Variants in VWA8 observed in about 807,000 individuals in gnomAD.
VWA8 encodes the protein von Willebrand factor A domain containing 8, also known as von Willebrand factor A domain-containing protein 8.
Under a neutral mutation model 241.5 loss-of-function variants are expected in VWA8, and 221 were observed. The observed-to-expected ratio is 0.91, with a 90% CI of 0.82 to 1.02. VWA8 has a LOEUF of 1.02. Ranked by LOEUF, VWA8 falls within the 50% of genes least tolerant of loss-of-function variation. VWA8 has a pLI of 0.00. For missense variants in VWA8, 2,322 were observed against 2,328.7 expected (o/e 1.00, Z 0.06); for synonymous variants, 852 against 827.1 (o/e 1.03, Z -0.52).
intron 2 of VWA8, among the ~76,000 whole-genome samples, chr13:41,930,375 C>A (rs1473593259): frequency 6.6e-6 from 1 of 152,088 alleles, no homozygotes; most frequent in Middle Eastern, 3.4e-3. Context: ...GGATATATAC[C>A]CAAAGGAAAT....
At chr13:41,748,635 C>T (rs997968057) in intron 21 of VWA8, among the ~76,000 whole-genome samples, 1 of 152,030 alleles carries the variant, frequency 6.6e-6, no homozygotes, top group Non-Finnish European at 1.5e-5. Flanking sequence ...TTCTTGCCTT[C>T]TGATGGTACT....
At chr13:41,675,375 A>G (rs536569644) in intron 35 of VWA8, 79 bp from the exon 36 acceptor site, 653 of 1,039,352 alleles carry the variant, frequency 6.3e-4, no homozygotes, top group Middle Eastern at 1.6e-3. Flanking sequence ...GAATCAAGTT[A>G]TCTGTAGCCT....
rs1435058352 is a variant in VWA8 at position 41,831,654 on chromosome 13, TC to T, written c.1587-1013del. On this transcript the variant is annotated intron_variant, in intron 13 of 44. Transcript: ENST00000379310. Reference sequence around the variant, plus strand: ...TTTTTTTTGAGACAGAGTCTCCCTCTCGTCACCCAGGCTGCAGTGCAGTGGC... The same window carrying T: ...TTTTTTTTGAGACAGAGTCTCCCTCTGTCACCCAGGCTGCAGTGCAGTGGC... Among the ~76,000 whole-genome samples the T allele has an allele frequency of 3.0e-5, 4 of 133,974 alleles. No homozygotes were observed. In the Admixed American group the frequency reaches 3.2e-4, roughly 11 times the overall value. 87.9% of individuals were successfully genotyped at this position (133,974 alleles called of 152,430 possible).
chr13:41,741,552 A>C (rs1037565270), intron 21 of VWA8, among the ~76,000 whole-genome samples: 7 of 152,224 alleles, frequency 4.6e-5, no homozygotes, highest in African/African-American at 1.7e-4. Flanking sequence ...TCACATGAGT[A>C]TCTCCTTGAC....
intron 37 of VWA8, among the ~76,000 whole-genome samples, chr13:41,669,308 TA>T: frequency 6.6e-6 from 1 of 152,360 alleles, no homozygotes; most frequent in African/African-American, 2.4e-5. Context: ...CCTCATTCAA[TA>T]AATATTTATT....
chr13:41,881,992 C>G (rs1041556007), intron 9 of VWA8, among the ~76,000 whole-genome samples: 1 of 151,452 alleles, frequency 6.6e-6, no homozygotes, highest in Non-Finnish European at 1.5e-5. Flanking sequence ...GACGGAGGGG[C>G]TCCTCACTTC....
chr13:41,572,790 T>TAA (rs2044316618), intron 43 of VWA8, among the ~76,000 whole-genome samples: 1 of 42,622 alleles, frequency 2.3e-5, no homozygotes, highest in African/African-American at 1.0e-4. Flanking sequence ...GAATGATCAA[T>TAA]AAATACTAAA....
At chr13:41,868,580 T>C (rs1425477777) in intron 9 of VWA8, 103 bp from the exon 10 acceptor site, 28 of 1,349,526 alleles carry the variant, frequency 2.1e-5, no homozygotes, top group Non-Finnish European at 1.5e-5. Context: ...CCATTTTATA[T>C]TATTATATAA....
At chr13:41,598,047 T>C (rs1372421442) in intron 40 of VWA8, among the ~76,000 whole-genome samples, 3 of 152,174 alleles carry the variant, frequency 2.0e-5, no homozygotes, top group African/African-American at 7.2e-5. Flanking sequence ...CAAAGAGGTT[T>C]TTCCTGTACA....
chr13:41,690,276 C>T lies in VWA8; in HGVS notation c.3867-1G>A. ...TGCAGGCTTAGTTAAAAGATATTTC[C>T]TGCAAACAAACAAAACATCTAGCTT... On this transcript the variant is annotated splice_acceptor_variant, in intron 32 of 44. Coordinates refer to ENST00000379310, the MANE Select transcript of VWA8 (RefSeq NM_015058.2). LOFTEE classifies it high-confidence loss of function. 1 of 1,604,402 alleles carries T rather than the reference C, an allele frequency of 6.2e-7. No homozygotes were observed. The highest frequency in any genetic ancestry group is 8.5e-7 in the Non-Finnish European group (1 of 1,175,270).
chr13:41,847,014 A>T (rs1257810984), intron 12 of VWA8, among the ~76,000 whole-genome samples: 1 of 152,230 alleles, frequency 6.6e-6, no homozygotes, highest in Non-Finnish European at 1.5e-5. Flanking sequence ...TGACACAGCA[A>T]GATTATGTCT....
At position 41,960,985 on chromosome 13, in the gene VWA8, G is replaced by A. The variant is rs1441946555; in HGVS notation, c.31C>T (p.Pro11Ser). 5.0e-6 allele frequency: 7 copies of A among 1,409,792 alleles called. No individual in the cohort carries two copies. The highest frequency in any genetic ancestry group is 6.4e-6 in the Non-Finnish European group (7 of 1,091,306). 87.3% of individuals were successfully genotyped at this position (1,409,792 alleles called of 1,614,324 possible). Reference sequence around the variant, plus strand: ...GAGGCCGGGCCGCCGTGGCCTCCGGGTGCCCCGAGGAGTAGAAGCCGGGAT... The same window carrying A: ...GAGGCCGGGCCGCCGTGGCCTCCGGATGCCCCGAGGAGTAGAAGCCGGGAT... MQSRLLLLGA[P>S]GGHGGPASRR... Residue 11 changes from proline (P) to serine (S), a missense_variant, in exon 1 of 45, where the codon CCC becomes TCC. Coordinates refer to ENST00000379310, the MANE Select transcript of VWA8 (RefSeq NM_015058.2).
At chr13:41,862,865 G>A (rs779788523) in intron 12 of VWA8, among the ~76,000 whole-genome samples, 12 of 152,188 alleles carry the variant, frequency 7.9e-5, no homozygotes, top group Non-Finnish European at 1.5e-4. Context: ...AAAGCAGTTT[G>A]GAGACTCCTC....
At chr13:41,676,592 A>G (rs2045061796) in intron 35 of VWA8, among the ~76,000 whole-genome samples, 1 of 151,930 alleles carries the variant, frequency 6.6e-6, no homozygotes, top group South Asian at 2.1e-4. Flanking sequence ...TGCCTATTTT[A>G]TTGTGCAAGG....
At chr13:41,909,538 A>T (rs889122462) in intron 3 of VWA8, among the ~76,000 whole-genome samples, 1 of 152,196 alleles carries the variant, frequency 6.6e-6, no homozygotes, top group Non-Finnish European at 1.5e-5. Flanking sequence ...CATCACTAGT[A>T]TCTTCATGTC....
chr13:41,746,198 C>T (rs1022502483), intron 21 of VWA8, among the ~76,000 whole-genome samples: 4 of 152,072 alleles, frequency 2.6e-5, no homozygotes, highest in Admixed American at 6.6e-5. Context: ...GGATTTTTAA[C>T]GTTTTTCTCA....
chr13:41,949,966 T>A lies in VWA8; in HGVS notation c.211A>T (p.Lys71Ter), dbSNP rs1205255151. 99 of 1,595,158 alleles carry A rather than the reference T, an allele frequency of 6.2e-5. No homozygotes were observed. The highest frequency in any genetic ancestry group is 8.5e-5 in the Non-Finnish European group (99 of 1,168,496). ...GDVSYKLKIPKNPELVPQNYI... is the reference protein window; with the variant it reads ...GDVSYKLKIP ...TTCTGTGGCACAAGTTCTGGATTCTTAGGAATTTTCAACTTGTAGGATACA... is the reference window on the plus strand; with the variant it reads ...TTCTGTGGCACAAGTTCTGGATTCTAAGGAATTTTCAACTTGTAGGATACA... The change falls in exon 2 of 45, where the codon AAG (lysine) becomes TAG (stop). Residue 71 changes from lysine to a stop codon, truncating the protein, a stop_gained. Coordinates refer to ENST00000379310, the MANE Select transcript of VWA8 (RefSeq NM_015058.2). LOFTEE classifies it high-confidence loss of function.
intron 35 of VWA8, among the ~76,000 whole-genome samples, chr13:41,683,973 C>T (rs1013432467): frequency 1.3e-5 from 2 of 152,052 alleles, no homozygotes; most frequent in Non-Finnish European, 2.9e-5. Context: ...CATGGAGTAC[C>T]CCTTTCCTGG....
chr13:41,883,322 G>C, intron 9 of VWA8, 65 bp downstream of exon 9: 1 of 1,306,488 alleles, frequency 7.7e-7, no homozygotes, highest in South Asian at 1.2e-5. Context: ...GTGAGGGGAA[G>C]ATGGGAAAAG....
Sources: gnomAD v4.1 joint callset for allele counts (sites outside exome capture counted in the v4.1 genomes callset) on GRCh38, gnomAD v4.1.1 for gene constraint, MANE v1.5 for transcripts, NCBI Gene and HGNC (gene_info 2026-07-23, HGNC 2026-07-21) for gene names.